The following FGF2 variants were observed in gnomAD, a reference collection of about 807,000 sequenced individuals.
FGF2 encodes basic fibroblast growth factor bFGF.
A neutral mutation model predicts 15.9 loss-of-function variants in FGF2; 13 were observed. The observed-to-expected ratio is 0.82, with a 90% confidence interval of 0.53 to 1.30. FGF2 has a LOEUF of 1.30. Ranked by LOEUF, FGF2 falls within the 50% of genes most tolerant of loss-of-function variation. The probability of loss-of-function intolerance (pLI) is 0.00; values close to 1 mark genes in which losing one functional copy is unlikely to be tolerated. For missense variants in FGF2, 163 were observed against 196.9 expected (o/e 0.83, Z 1.03); for synonymous variants, 90 against 78.4 (o/e 1.15, Z -0.78).
chr4:122,843,596 C>T (rs781402687), intron 1 of FGF2, among the ~76,000 whole-genome samples: 1 of 152,062 alleles, frequency 6.6e-6, no homozygotes, highest in Non-Finnish European at 1.5e-5. Flanking sequence ...ATGTAAATCT[C>T]TCTCAGACTA....
At chr4:122,843,933 T>C (rs907068050) in intron 1 of FGF2, among the ~76,000 whole-genome samples, 1 of 152,220 alleles carries the variant, frequency 6.6e-6, no homozygotes, top group African/African-American at 2.4e-5. Context: ...TGCTGACTGA[T>C]GAAAGTGGTG....
intron 1 of FGF2, among the ~76,000 whole-genome samples, chr4:122,873,764 A>G (rs1726784357): frequency 1.3e-5 from 2 of 152,212 alleles, no homozygotes; most frequent in African/African-American, 4.8e-5. Context: ...TGATTTTGTG[A>G]CTTCCTCAAC....
At position 122,869,475 on chromosome 4, in the gene FGF2, A is replaced by G. The variant is rs543825594; in HGVS notation, c.179-6846A>G. Among the ~76,000 whole-genome samples, 92 of 152,326 alleles carry G rather than the reference A, an allele frequency of 6.0e-4. 1 individual carries two copies. The highest frequency in any genetic ancestry group is 2.1e-3 in the African/African-American group (89 of 41,582). On this transcript the variant is annotated intron_variant, in intron 1 of 2. Transcript: ENST00000644866. The stretch of plus-strand genomic sequence containing the variant: ...GATTCTTCCTATCCTTGAGGATGGA[A>G]TATTTTTCCATTTGTTTGCATTCTC...
intron 1 of FGF2, among the ~76,000 whole-genome samples, chr4:122,835,805 ATCC>A: frequency 6.6e-6 from 1 of 152,256 alleles, no homozygotes; most frequent in African/African-American, 2.4e-5. Flanking sequence ...ACTGTTTACC[ATCC>A]ATACCTTCCT....
intron 1 of FGF2, among the ~76,000 whole-genome samples, chr4:122,856,892 T>C (rs1303504659): frequency 6.6e-6 from 1 of 152,232 alleles, no homozygotes; most frequent in Non-Finnish European, 1.5e-5. Context: ...CTGTTCTCCA[T>C]TTCTATAATT....
chr4:122,897,445 T>C lies in FGF2; in HGVS notation c.*5049T>C, dbSNP rs1484006017. 2.3e-5 allele frequency: 14 copies of C among 621,888 alleles called. No homozygotes were observed. Among genetic ancestry groups the C allele is most frequent in the Non-Finnish European group, 4.0e-5 (14 of 346,064 alleles). 38.5% of individuals were successfully genotyped at this position (621,888 alleles called of 1,614,324 possible). A position where few individuals can be genotyped will look rare whatever the true frequency, so the allele number is the denominator to read the frequency against. ...TATTATTTCTACTAATGGAATAAAC[T>C]GTAATATTAGAAATTATGCTGCTAA... On this transcript the variant is annotated 3_prime_UTR_variant, in exon 3 of 3. Coordinates refer to ENST00000644866, the MANE Select transcript of FGF2 (RefSeq NM_001361665.2).
At chr4:122,838,947 T>A (rs1725920717) in intron 1 of FGF2, among the ~76,000 whole-genome samples, 3 of 152,218 alleles carry the variant, frequency 2.0e-5, no homozygotes, top group Admixed American at 2.0e-4. Context: ...TAATACTGTA[T>A]TTTAACTGTA....
intron 1 of FGF2, among the ~76,000 whole-genome samples, chr4:122,857,267 G>A (rs1193280795): frequency 6.6e-6 from 1 of 152,176 alleles, no homozygotes; most frequent in Non-Finnish European, 1.5e-5. Context: ...ATCCCTAATA[G>A]CTACAGAACA....
rs73844948 is a variant in FGF2, at chr4:122,864,964, G to A, written c.179-11357G>A. On this transcript the variant is annotated intron_variant, in intron 1 of 2. Transcript: ENST00000644866. Reference sequence around the variant, plus strand: ...GAGAAAAAAATTTAAATATCACAATGCATGTGGAAGTAAAATATCATTTTT... The same window carrying A: ...GAGAAAAAAATTTAAATATCACAATACATGTGGAAGTAAAATATCATTTTT... Among the ~76,000 whole-genome samples, 802 of 152,248 alleles carry A rather than the reference G, an allele frequency of 5.3e-3. 7 individuals carry two copies. The highest frequency in any genetic ancestry group is 0.018 in the African/African-American group (737 of 41,550).
intron 2 of FGF2, among the ~76,000 whole-genome samples, chr4:122,880,496 C>G (rs1036906318): frequency 3.0e-4 from 46 of 152,148 alleles, no homozygotes; most frequent in Admixed American, 3.3e-4. Flanking sequence ...GATCTTCCCC[C>G]CTTGGCCTCC....
rs1727248628 is a variant in FGF2 at position 122,893,342 on chromosome 4, G to A, written c.*946G>A. The A allele has an allele frequency of 2.1e-6, 2 of 963,436 alleles. No homozygotes were observed. The highest frequency in any genetic ancestry group is 2.9e-6 in the Non-Finnish European group (2 of 689,094). The allele number at this position is 963,436 out of a possible 1,614,324, so 59.7% of individuals were successfully genotyped here. ...AGGCTCAAAACATTACCCTAACAAA[G>A]TAAAGTTTTCAATACAAATTCTTTG... On this transcript the variant is annotated 3_prime_UTR_variant, in exon 3 of 3. Coordinates refer to ENST00000644866, the MANE Select transcript of FGF2 (RefSeq NM_001361665.2).
chr4:122,873,424 A>G (rs951087798), intron 1 of FGF2, among the ~76,000 whole-genome samples: 2 of 152,244 alleles, frequency 1.3e-5, no homozygotes, highest in African/African-American at 2.4e-5. Context: ...TGGAAGCTCT[A>G]TGGGAAAGAA....
intron 2 of FGF2, among the ~76,000 whole-genome samples, 156 bp from the exon 3 acceptor site, chr4:122,892,055 G>A (rs764212443): frequency 3.3e-4 from 50 of 152,168 alleles, no homozygotes; most frequent in South Asian, 1.7e-3. Context: ...TCACATTTTG[G>A]CCCATTGAAT....
At chr4:122,830,865 C>G (rs904177165) in intron 1 of FGF2, among the ~76,000 whole-genome samples, 18 of 140,640 alleles carry the variant, frequency 1.3e-4, no homozygotes, top group Admixed American at 7.4e-4. Context: ...AGTACTGTAT[C>G]TACCCTTGGG....
intron 1 of FGF2, among the ~76,000 whole-genome samples, chr4:122,866,992 G>T (rs1480860665): frequency 6.6e-6 from 1 of 152,214 alleles, no homozygotes; most frequent in African/African-American, 2.4e-5. Flanking sequence ...ATTATTTGGT[G>T]ATAAAAAGTA....
intron 1 of FGF2, among the ~76,000 whole-genome samples, chr4:122,865,347 T>C (rs1726552419): frequency 2.0e-5 from 3 of 152,096 alleles, no homozygotes. Flanking sequence ...CTGGAGTGCA[T>C]TCGTGCTATC....
intron 1 of FGF2, among the ~76,000 whole-genome samples, chr4:122,868,262 C>T (rs955757269): frequency 4.6e-5 from 7 of 152,040 alleles, no homozygotes; most frequent in Non-Finnish European, 1.0e-4. Flanking sequence ...CTCTAAGTTC[C>T]CTCCTTTCAC....
At chr4:122,829,112 C>T (rs411027) in intron 1 of FGF2, among the ~76,000 whole-genome samples, 6,030 of 152,102 alleles carry the variant, frequency 0.04, 317 homozygotes, top group South Asian at 0.12. Context: ...ATACCCGATT[C>T]GCCTTAGAAT....
chr4:122,841,718 T>C (rs191272857), intron 1 of FGF2, among the ~76,000 whole-genome samples: 4 of 152,222 alleles, frequency 2.6e-5, no homozygotes, highest in Admixed American at 2.0e-4. Flanking sequence ...ACCAAAGTTA[T>C]GTTTTTTGCT....
Sources: allele counts gnomAD v4.1 joint callset (sites outside exome capture counted in the v4.1 genomes callset), GRCh38; gene constraint gnomAD v4.1.1; transcripts MANE v1.5; gene names NCBI Gene and HGNC (gene_info 2026-07-23, HGNC 2026-07-21).